TMEM39A: variants seen among roughly 807,000 people sequenced by gnomAD.
The protein encoded by TMEM39A is suppressor of SQST-1 aggregates in rpl-43 mutants.
TMEM39A carries 19 observed loss-of-function variants against 51.9 expected under a neutral mutation model. The ratio of observed to expected loss-of-function variants is 0.37; its 90% CI spans 0.26 to 0.54. TMEM39A has a LOEUF of 0.54. TMEM39A is among the 20% of genes least tolerant of loss of function. The probability of loss-of-function intolerance (pLI) is 0.88; values close to 1 mark genes in which losing one functional copy is unlikely to be tolerated. For synonymous variants in TMEM39A, 197 were observed against 220.2 expected, an observed-to-expected ratio of 0.89 and a Z score of 0.93; for missense variants, 433 against 590.5, an observed-to-expected ratio of 0.73 and a Z score of 2.76.
At chr3:119,457,759 C>T (rs182299737) in intron 3 of TMEM39A, among the ~76,000 whole-genome samples, 13 of 152,246 alleles carry the variant, frequency 8.5e-5, no homozygotes, top group African/African-American at 2.9e-4. Context: ...AACTAAATAC[C>T]AAAACCTTTC....
chr3:119,444,676 T>A (rs2081099351), intron 5 of TMEM39A, among the ~76,000 whole-genome samples: 1 of 152,206 alleles, frequency 6.6e-6, no homozygotes, highest in African/African-American at 2.4e-5. Context: ...TGCATCAGAA[T>A]CACCTTGAGG....
chr3:119,439,589 A>AG (rs1477382748), intron 5 of TMEM39A, among the ~76,000 whole-genome samples: 64 of 152,126 alleles, frequency 4.2e-4, no homozygotes, highest in South Asian at 1.3e-3. Context: ...CAAAAAAAAA[A>AG]AAAAAAAAGA....
chr3:119,436,607 GGGT>G, intron 7 of TMEM39A, 181 bp downstream of exon 7: 2 of 597,130 alleles, frequency 3.3e-6, no homozygotes, highest in Non-Finnish European at 5.8e-6. Flanking sequence ...TAAGGAGCTG[GGGT>G]GGTGGTGGAA....
In TMEM39A at chr3:119,432,122, C is replaced by T. The variant is rs750390999; in HGVS notation, c.1326G>A (p.Ser442=). 50 of 1,612,992 alleles carry T rather than the reference C, an allele frequency of 3.1e-5. No individual in the cohort carries two copies. The highest frequency in any genetic ancestry group is 5.0e-5 in the Admixed American group (3 of 59,824). ...TGGAAAGTGTGTGGTTCCACTTCTC[C>T]GACCGCAGCAAGGAATAGAGCTGAT... ...VFYQLYSLLR[S]EKWNHTLSMA... is the part of the protein sequence containing the mutation. Residue 442 remains serine, a synonymous_variant, in exon 9 of 9, where the codon TCG becomes TCA. Coordinates refer to ENST00000319172, the MANE Select transcript of TMEM39A (RefSeq NM_018266.3).
At position 119,437,937 on chromosome 3, in the gene TMEM39A, G is replaced by T. The variant is rs1369551945; in HGVS notation, c.742C>A (p.Leu248Ile). 6.2e-7 allele frequency: 1 copy of T among 1,614,096 alleles called. No individual in the cohort carries two copies. Among genetic ancestry groups the T allele is most frequent in the Admixed American group, 1.7e-5 (1 of 60,008 alleles). ...GTGGCATTATTAAACTGTTCTTTTA[G>T]CGACTCCAGCAACAAGGAGAGAAAG... Reference protein sequence around the residue: ...KDFLSLLLESLKEQFNNATPI... With the variant: ...KDFLSLLLESIKEQFNNATPI... Residue 248 changes from leucine (L) to isoleucine (I), a missense_variant, in exon 6 of 9, where the codon CTA becomes ATA. By Grantham distance (5) the Leu-to-Ile change is conservative. Transcript: ENST00000319172.
rs756434970 is a variant in TMEM39A at position 119,458,009 on chromosome 3, A to G, written c.336+9T>C. On this transcript the variant is annotated intron_variant, in intron 3 of 8. Coordinates refer to ENST00000319172, the MANE Select transcript of TMEM39A (RefSeq NM_018266.3). ...AACATGAAGAACTTAAAGTCTGAGT[A>G]AGACTTACCAGTGATGTACAAGAAG... is the stretch of plus-strand genomic sequence containing the variant. 2.5e-6 allele frequency: 4 copies of G among 1,602,550 alleles called. No individual in the cohort carries two copies. The highest frequency in any genetic ancestry group is 2.2e-5 in the South Asian group (2 of 90,766).
In TMEM39A at chr3:119,432,206, A is replaced by T; in HGVS notation, c.1242T>A (p.Phe414Leu). ...GATTTAACAGCCTTAATGGTCGATG[A>T]AATAAGAACTGTAAGGAAGTTAAAA... is the stretch of plus-strand genomic sequence containing the variant. ...DVSHARFYFL[F>L]HRPLRLLNLL... The change falls in exon 9 of 9, where the codon TTT (phenylalanine) becomes TTA (leucine). Residue 414 changes from phenylalanine to leucine, a missense_variant. Physicochemically the swap from Phe to Leu is conservative, Grantham distance 22. Coordinates refer to ENST00000319172, the MANE Select transcript of TMEM39A (RefSeq NM_018266.3). 6.2e-7 allele frequency: 1 copy of T among 1,609,566 alleles called. No homozygotes were observed. Among genetic ancestry groups the T allele is most frequent in the East Asian group, 2.2e-5 (1 of 44,804 alleles).
intron 5 of TMEM39A, among the ~76,000 whole-genome samples, chr3:119,444,983 G>A (rs1472995572): frequency 6.6e-6 from 1 of 152,132 alleles, no homozygotes; most frequent in East Asian, 1.9e-4. Context: ...GGGAGGCTGA[G>A]GTGGGAGAAT....
chr3:119,432,337 ATC>A (rs553815030), intron 8 of TMEM39A, 123 bp from the exon 9 acceptor site: 689 of 633,090 alleles, frequency 1.1e-3, no homozygotes, highest in Admixed American at 2.0e-3. Context: ...TAATAAATAG[ATC>A]TGTTTATTTA....
intron 8 of TMEM39A, among the ~76,000 whole-genome samples, chr3:119,433,005 T>C (rs12493326): frequency 0.15 from 22,079 of 152,198 alleles, 2,014 homozygotes; most frequent in Admixed American, 0.2. Context: ...AAAGTTATTA[T>C]GAATACAAAC....
At chr3:119,455,061 G>C (rs2081247290) in intron 3 of TMEM39A, among the ~76,000 whole-genome samples, 1 of 151,986 alleles carries the variant, frequency 6.6e-6, no homozygotes, top group Non-Finnish European at 1.5e-5. Context: ...TTGATATTAA[G>C]GTCTTGAAAT....
intron 5 of TMEM39A, among the ~76,000 whole-genome samples, chr3:119,445,884 CATA>C (rs2081118149): frequency 6.6e-6 from 1 of 152,142 alleles, no homozygotes. Context: ...TAGTTACAAT[CATA>C]ATAATATATA....
chr3:119,452,467 C>A lies in TMEM39A; in HGVS notation c.400G>T (p.Val134Leu). 6.2e-7 allele frequency: 1 copy of A among 1,613,684 alleles called. No homozygotes were observed. Among genetic ancestry groups the A allele is most frequent in the Non-Finnish European group, 8.5e-7 (1 of 1,179,742 alleles). ...FITVMLARRL[V>L]WALISEATKA... is the part of the protein sequence containing the mutation. ...GTTACCTCTGAGATGAGAGCCCATACAAGCCTCCTCGCAAGCATCACTGTG... is the reference window on the plus strand; with the variant it reads ...GTTACCTCTGAGATGAGAGCCCATAAAAGCCTCCTCGCAAGCATCACTGTG... The change falls in exon 4 of 9, where the codon GTA becomes TTA. Residue 134 changes from valine (V) to leucine (L), a missense_variant. Around this residue, in one of 3 missense-constraint regions of TMEM39A, gnomAD observed 170 missense variants for 239.8 expected, o/e 0.71. Coordinates refer to ENST00000319172, the MANE Select transcript of TMEM39A (RefSeq NM_018266.3).
intron 5 of TMEM39A, among the ~76,000 whole-genome samples, chr3:119,446,077 T>G (rs931755150): frequency 6.6e-6 from 1 of 152,186 alleles, no homozygotes; most frequent in Admixed American, 6.5e-5. Context: ...ATTAGGTACA[T>G]TAAGAGATTA....
chr3:119,432,388 CT>C (rs2080913237), intron 8 of TMEM39A, among the ~76,000 whole-genome samples, 174 bp from the exon 9 acceptor site: 1 of 151,902 alleles, frequency 6.6e-6, no homozygotes, highest in Admixed American at 6.6e-5. Context: ...AGATTGAAAC[CT>C]TTTCCTTTTT....
At chr3:119,447,215 C>A in intron 4 of TMEM39A, 43 bp from the exon 5 acceptor site, 1 of 1,589,464 alleles carries the variant, frequency 6.3e-7, no homozygotes, top group Non-Finnish European at 8.6e-7. Context: ...TGTAAATGAT[C>A]TTCTTCAAAA....
At chr3:119,444,498 G>A (rs538311647) in intron 5 of TMEM39A, among the ~76,000 whole-genome samples, 2 of 152,264 alleles carry the variant, frequency 1.3e-5, no homozygotes, top group South Asian at 4.2e-4. Context: ...TTTAAACAAT[G>A]TAATCAGACC....
intron 4 of TMEM39A, among the ~76,000 whole-genome samples, chr3:119,450,119 A>C (rs185141009): frequency 1.3e-5 from 2 of 152,360 alleles, no homozygotes; most frequent in East Asian, 3.9e-4. Flanking sequence ...CTCTTATTTT[A>C]AATTTTTGAA....
chr3:119,432,572 C>A (rs1450925648), intron 8 of TMEM39A, among the ~76,000 whole-genome samples: 1 of 151,800 alleles, frequency 6.6e-6, no homozygotes. Context: ...GATAAAGGAC[C>A]AAACAGGAAA....
Sources: gnomAD v4.1 joint callset for allele counts (sites outside exome capture counted in the v4.1 genomes callset) on GRCh38, gnomAD v4.1.1 for gene constraint, gnomAD v4.1.1 regional missense constraint, MANE v1.5 for transcripts, NCBI Gene and HGNC (gene_info 2026-07-23, HGNC 2026-07-21) for gene names.